Variants in THRB observed in about 807,000 individuals in gnomAD.
THRB encodes thyroid hormone receptor beta.
In THRB, 12 loss-of-function variants were observed where a neutral mutation model predicts 47.8. The ratio of observed to expected loss-of-function variants is 0.25; its 90% CI spans 0.16 to 0.41. THRB has a LOEUF of 0.41. Ranked by LOEUF, THRB falls within the 10% of genes least tolerant of loss-of-function variation. THRB has a pLI of 1.00. For synonymous variants in THRB, 218 were observed against 212.2 expected, an observed-to-expected ratio of 1.03 and a Z score of -0.24; for missense variants, 348 against 589.2, an observed-to-expected ratio of 0.59 and a Z score of 4.24.
At chr3:24,282,973 G>C (rs1487883186) in intron 3 of THRB, among the ~76,000 whole-genome samples, 1 of 151,960 alleles carries the variant, frequency 6.6e-6, no homozygotes, top group Admixed American at 6.6e-5. Context: ...TCCAGGACCA[G>C]ATGGATTCAC....
chr3:24,156,785 C>T (rs983050693), intron 5 of THRB, among the ~76,000 whole-genome samples: 3 of 152,152 alleles, frequency 2.0e-5, no homozygotes, highest in African/African-American at 4.8e-5. Flanking sequence ...TTATACTGAA[C>T]CTCCTCAGTT....
intron 1 of THRB, among the ~76,000 whole-genome samples, chr3:24,436,806 C>T (rs1300425559): frequency 1.3e-5 from 2 of 152,136 alleles, no homozygotes; most frequent in African/African-American, 4.8e-5. Flanking sequence ...GAAAGGTTCT[C>T]TTCTTCTGTG....
intron 3 of THRB, chr3:24,238,028 C>T (rs2049045158): frequency 6.6e-6 from 1 of 152,080 alleles, no homozygotes. Flanking sequence ...GTTTATAGTG[C>T]GGTTTCCTTA....
rs796360639 is a variant in THRB at position 24,283,671 on chromosome 3, A to T, written c.-43+13555T>A. Among the ~76,000 whole-genome samples, 835 of 147,490 alleles carry T rather than the reference A, an allele frequency of 5.7e-3. 25 individuals are homozygous for T. In the East Asian group the frequency reaches 0.11, roughly 19 times the overall value. ...CCCTGTTTGCAGATGACATGATTGT[A>T]TATCTAGAAAACCCCATTGTCTCAG... On this transcript the variant is annotated intron_variant, in intron 3 of 10. Transcript: ENST00000646209.
At chr3:24,146,611 C>T in intron 7 of THRB, 64 bp downstream of exon 7, 1 of 1,579,918 alleles carries the variant, frequency 6.3e-7, no homozygotes, top group East Asian at 2.2e-5. Flanking sequence ...CAGTCGATCT[C>T]CTTGAACCAA....
At chr3:24,327,995 G>T (rs993551296) in intron 2 of THRB, among the ~76,000 whole-genome samples, 3 of 152,148 alleles carry the variant, frequency 2.0e-5, no homozygotes, top group Non-Finnish European at 4.4e-5. Context: ...GGAAATGGGT[G>T]CATGACATCA....
At chr3:24,349,514 C>T (rs1479135831) in intron 1 of THRB, among the ~76,000 whole-genome samples, 1 of 152,090 alleles carries the variant, frequency 6.6e-6, no homozygotes, top group Non-Finnish European at 1.5e-5. Context: ...AAATAGATCA[C>T]AAGAGCTCCA....
chr3:24,368,124 C>G (rs1220539752), intron 1 of THRB, among the ~76,000 whole-genome samples: 2 of 152,074 alleles, frequency 1.3e-5, no homozygotes, highest in Non-Finnish European at 2.9e-5. Context: ...CTTATCTTAT[C>G]CAATTTAATC....
intron 2 of THRB, among the ~76,000 whole-genome samples, chr3:24,304,755 T>C (rs963214670): frequency 2.0e-5 from 3 of 152,086 alleles, no homozygotes; most frequent in Non-Finnish European, 4.4e-5. Flanking sequence ...TTATAAAATA[T>C]ATAACCATCT....
chr3:24,454,989 G>A (rs928322061), intron 1 of THRB: 1 of 151,648 alleles, frequency 6.6e-6, no homozygotes, highest in Non-Finnish European at 1.5e-5. Context: ...GACCAAAGTC[G>A]CTAACAATTG....
At chr3:24,309,544 T>A (rs909102748) in intron 2 of THRB, among the ~76,000 whole-genome samples, 1 of 152,218 alleles carries the variant, frequency 6.6e-6, no homozygotes. Context: ...TTTGTCTTAT[T>A]TCTGGTACAC....
In THRB at chr3:24,197,415, C is replaced by A. The variant is rs150465091; in HGVS notation, c.23-7081G>T. ...CTGTGGTTTGGGGCAAATTGCTCTA[C>A]CTCTTTGAATCTCTCTCCTGAATTA... is the stretch of plus-strand genomic sequence containing the variant. On this transcript the variant is annotated intron_variant, in intron 4 of 10. Coordinates refer to ENST00000646209, the MANE Select transcript of THRB (RefSeq NM_001354712.2). Among the ~76,000 whole-genome samples the A allele has an allele frequency of 5.3e-5, 8 of 152,304 alleles. No individual in the cohort carries two copies. In the East Asian group the frequency reaches 1.5e-3, roughly 29 times the overall value.
intron 1 of THRB, among the ~76,000 whole-genome samples, chr3:24,381,463 A>G (rs1325065947): frequency 1.3e-5 from 2 of 152,160 alleles, no homozygotes; most frequent in Non-Finnish European, 2.9e-5. Flanking sequence ...CTGGCTCACT[A>G]CCACCACATT....
chr3:24,176,492 T>C (rs978113138), intron 5 of THRB, among the ~76,000 whole-genome samples: 2 of 152,194 alleles, frequency 1.3e-5, no homozygotes, highest in Non-Finnish European at 2.9e-5. Context: ...TTTTCACCCT[T>C]AAGAACAACT....
chr3:24,422,077 A>G (rs1012093438), intron 1 of THRB, among the ~76,000 whole-genome samples: 1 of 152,030 alleles, frequency 6.6e-6, no homozygotes, highest in Non-Finnish European at 1.5e-5. Context: ...AACAATGACT[A>G]TACAAATAAT....
chr3:24,275,878 T>C (rs2053867708), intron 3 of THRB, among the ~76,000 whole-genome samples: 2 of 152,146 alleles, frequency 1.3e-5, no homozygotes, highest in African/African-American at 2.4e-5. Context: ...CATAACCCTC[T>C]ACATTTCAAA....
At chr3:24,424,667 A>G (rs1190506721) in intron 1 of THRB, among the ~76,000 whole-genome samples, 2 of 152,000 alleles carry the variant, frequency 1.3e-5, no homozygotes, top group Non-Finnish European at 2.9e-5. Context: ...TTCACAGCCT[A>G]GAATTCTTCT....
intron 3 of THRB, among the ~76,000 whole-genome samples, chr3:24,257,783 A>C (rs2051458292): frequency 6.6e-6 from 1 of 152,214 alleles, no homozygotes; most frequent in South Asian, 2.1e-4. Context: ...AAAACAAGTG[A>C]ATGCACACTG....
At chr3:24,129,116 C>G (rs190717586) in intron 9 of THRB, among the ~76,000 whole-genome samples, 19 of 152,198 alleles carry the variant, frequency 1.2e-4, no homozygotes, top group African/African-American at 4.1e-4. Context: ...CATTTAATTT[C>G]AAACTGCTTG....
Sources: allele counts gnomAD v4.1 joint callset (sites outside exome capture counted in the v4.1 genomes callset), GRCh38; gene constraint gnomAD v4.1.1; transcripts MANE v1.5; gene names NCBI Gene and HGNC (gene_info 2026-07-23, HGNC 2026-07-21).